Variants in TBC1D8B observed in about 807,000 individuals in gnomAD.
The protein encoded by TBC1D8B is TBC1 domain family member 8B.
Under a neutral mutation model 82.9 loss-of-function variants are expected in TBC1D8B, and 75 were observed. That is an observed-to-expected ratio of 0.90 (90% CI 0.75 to 1.10). The LOEUF (loss-of-function observed/expected upper bound fraction) is 1.10. Among genes scored for constraint, TBC1D8B ranks in the 50% least tolerant of loss-of-function variants. The pLI, the probability that TBC1D8B is intolerant of heterozygous loss-of-function variation, is 0.00. For synonymous variants in TBC1D8B, 276 were observed against 276.8 expected (o/e 1.00, Z 0.03); for missense variants, 794 against 796.9 (o/e 1.00, Z 0.04).
intron 10 of TBC1D8B, among the ~76,000 whole-genome samples, chrX:106,844,591 T>A (rs940788576): frequency 5.5e-5 from 6 of 108,116 alleles, no homozygotes; most frequent in Non-Finnish European, 7.7e-5. Flanking sequence ...TTTCCCAGAA[T>A]AAATCCCACT....
intron 14 of TBC1D8B, among the ~76,000 whole-genome samples, chrX:106,863,017 T>C (rs2147770687): frequency 9.1e-6 from 1 of 109,944 alleles, no homozygotes; most frequent in Admixed American, 9.7e-5. Context: ...CCCAGTCCAC[T>C]GGCCTCAACA....
intron 14 of TBC1D8B, among the ~76,000 whole-genome samples, chrX:106,857,662 A>G (rs1932725638): frequency 9.0e-6 from 1 of 111,730 alleles, no homozygotes; most frequent in South Asian, 3.8e-4. Flanking sequence ...GAGAACATGC[A>G]GTATTTGGTT....
intron 7 of TBC1D8B, among the ~76,000 whole-genome samples, chrX:106,831,356 C>T (rs898227550): frequency 1.8e-5 from 2 of 110,952 alleles, no homozygotes; most frequent in Non-Finnish European, 3.8e-5. Flanking sequence ...CAATTCCAGA[C>T]GCAGAATTTC....
Position 106,865,926 on chromosome X carries a change from C to A in TBC1D8B, c.2555C>A (p.Pro852His), listed in dbSNP as rs1932811823. Residue 852 changes from proline (P) to histidine (H), a missense_variant, in exon 16 of 21, where the codon CCC becomes CAC. Physicochemically the swap from Pro to His is moderately conservative, Grantham distance 77. Coordinates refer to ENST00000357242, the MANE Select transcript of TBC1D8B (RefSeq NM_017752.3). ...AGAGCGTTGTATCACTTGTTGAGTC[C>A]CTGGGCTCATTCTGCAAATAAAGAC... ...QFRALYHLLSPWAHSANKDSL... is the reference protein window; with the variant it reads ...QFRALYHLLSHWAHSANKDSL... 8.3e-7 allele frequency: 1 copy of A among 1,208,495 alleles called. No individual in the cohort carries two copies. Among genetic ancestry groups the A allele is most frequent in the Admixed American group, 2.2e-5 (1 of 45,560 alleles).
At chrX:106,810,629 A>G (rs1931339972) in intron 1 of TBC1D8B, among the ~76,000 whole-genome samples, 1 of 112,063 alleles carries the variant, frequency 8.9e-6, no homozygotes, top group Admixed American at 9.4e-5. Context: ...ACAATTAAGT[A>G]AGATAAAATT....
chrX:106,856,500 C>G (rs1183822412), intron 14 of TBC1D8B, among the ~76,000 whole-genome samples: 1 of 110,252 alleles, frequency 9.1e-6, no homozygotes, highest in Non-Finnish European at 1.9e-5. Flanking sequence ...CTTTAATATA[C>G]CTAGAGTATA....
At chrX:106,856,017 A>G (rs1243316223) in intron 14 of TBC1D8B, among the ~76,000 whole-genome samples, 1 of 112,241 alleles carries the variant, frequency 8.9e-6, no homozygotes, top group Non-Finnish European at 1.9e-5. Context: ...AGCCTGGGCA[A>G]CAGAGCTAGA....
chrX:106,835,468 C>A, intron 7 of TBC1D8B, among the ~76,000 whole-genome samples: 1 of 111,975 alleles, frequency 8.9e-6, no homozygotes, highest in Non-Finnish European at 1.9e-5. Context: ...AGATCTCTGA[C>A]ATGCCCTGGA....
chrX:106,830,135 G>C (rs1432773364), intron 7 of TBC1D8B: 1 of 111,751 alleles, frequency 8.9e-6, no homozygotes, highest in Non-Finnish European at 1.9e-5. Flanking sequence ...GTGGGCGAGG[G>C]ATATGAACAG....
Position 106,846,081 on chromosome X carries a change from T to TTC in TBC1D8B, c.1720-2091_1720-2090dup, listed in dbSNP as rs1392367284. Among the ~76,000 whole-genome samples the TTC allele has an allele frequency of 2.1e-3, 222 of 104,101 alleles. 1 individual carries two copies. The highest frequency in any genetic ancestry group is 3.8e-3 in the Non-Finnish European group (194 of 50,914). 90.4% of individuals were successfully genotyped at this position (104,101 alleles called of 115,157 possible). A position where few individuals can be genotyped will look rare whatever the true frequency, so the allele number is the denominator to read the frequency against. ...TGCTAGATGTTGGTTTCTTTCTTTT[T>TTC]TCTCTCTCTCTCTCTTTTTTTTTTT... On this transcript the variant is annotated intron_variant, in intron 10 of 20. Transcript: ENST00000357242.
In TBC1D8B at chrX:106,827,327, T is replaced by G; in HGVS notation, c.1193T>G (p.Ile398Ser). The change falls in exon 7 of 21, where the codon ATT becomes AGT. Residue 398 changes from isoleucine to serine, a missense_variant. By Grantham distance (142) the Ile-to-Ser change is moderately radical. Coordinates refer to ENST00000357242, the MANE Select transcript of TBC1D8B (RefSeq NM_017752.3). Reference sequence around the variant, plus strand: ...GCAGCTTCAACTCAATATCATGATATTAGCACAGAGGTAATTAATTATACA... The same window carrying G: ...GCAGCTTCAACTCAATATCATGATAGTAGCACAGAGGTAATTAATTATACA... ...CGAASTQYHDISTELAISSES... is the reference protein window; with the variant it reads ...CGAASTQYHDSSTELAISSES... 1.7e-6 allele frequency: 2 copies of G among 1,210,361 alleles called. No homozygotes were observed. Among genetic ancestry groups the G allele is most frequent in the Non-Finnish European group, 2.2e-6 (2 of 894,682 alleles).
At chrX:106,845,949 A>C (rs1932434118) in intron 10 of TBC1D8B, among the ~76,000 whole-genome samples, 1 of 109,987 alleles carries the variant, frequency 9.1e-6, no homozygotes, top group Non-Finnish European at 1.9e-5. Context: ...CCAGGGAACC[A>C]CTAGACAAGT....
intron 14 of TBC1D8B, among the ~76,000 whole-genome samples, chrX:106,861,132 T>C (rs1397347335): frequency 8.9e-6 from 1 of 112,009 alleles, no homozygotes; most frequent in African/African-American, 3.2e-5. Flanking sequence ...CTGAGGATTG[T>C]TTTATGTCTG....
intron 18 of TBC1D8B, 49 bp from the exon 19 acceptor site, chrX:106,869,436 G>T: frequency 9.2e-7 from 1 of 1,088,670 alleles, no homozygotes; most frequent in South Asian, 1.9e-5. Context: ...TGCTTTCAAA[G>T]AGTATTTGTT....
At chrX:106,832,162 A>T (rs759061505) in intron 7 of TBC1D8B, among the ~76,000 whole-genome samples, 2 of 111,491 alleles carry the variant, frequency 1.8e-5, no homozygotes, top group East Asian at 5.6e-4. Flanking sequence ...TAAATCAACA[A>T]GTCTAAATAT....
At chrX:106,854,077 A>C (rs1416364832) in intron 13 of TBC1D8B, 121 bp from the exon 14 acceptor site, 2 of 514,060 alleles carry the variant, frequency 3.9e-6, no homozygotes, top group Non-Finnish European at 2.9e-6. Context: ...TGAACAAGTC[A>C]GGAAATTCCC....
At chrX:106,805,750 G>A (rs766984113) in intron 1 of TBC1D8B, among the ~76,000 whole-genome samples, 2 of 111,940 alleles carry the variant, frequency 1.8e-5, no homozygotes, top group East Asian at 5.6e-4. Flanking sequence ...GATTTTCCTA[G>A]CTGCTCAATT....
At chrX:106,856,337 C>T (rs1272841712) in intron 14 of TBC1D8B, among the ~76,000 whole-genome samples, 1 of 110,681 alleles carries the variant, frequency 9.0e-6, no homozygotes, top group Admixed American at 9.6e-5. Flanking sequence ...ATACAAGTTA[C>T]AAATTTTCTT....
chrX:106,816,776 T>A (rs2147727323), intron 1 of TBC1D8B, among the ~76,000 whole-genome samples: 1 of 111,448 alleles, frequency 9.0e-6, no homozygotes, highest in Admixed American at 9.6e-5. Context: ...CTCCTGTTTT[T>A]ACTTTTTATC....
Sources: gnomAD v4.1 joint callset for allele counts (sites outside exome capture counted in the v4.1 genomes callset) on GRCh38, gnomAD v4.1.1 for gene constraint, MANE v1.5 for transcripts, NCBI Gene and HGNC (gene_info 2026-07-23, HGNC 2026-07-21) for gene names.